VWA3B: variants seen among roughly 807,000 people sequenced by gnomAD.
The protein encoded by VWA3B is von Willebrand factor A domain-containing protein 3B.
A neutral mutation model predicts 158.3 loss-of-function variants in VWA3B; 138 were observed. The ratio of observed to expected loss-of-function variants is 0.87; its 90% confidence interval spans 0.76 to 1.00. VWA3B has a LOEUF of 1.00. VWA3B is among the 50% of genes least tolerant of loss of function. The pLI is 0.00. For missense variants in VWA3B, 1,555 were observed against 1,565.1 expected (o/e 0.99, Z 0.11); for synonymous variants, 596 against 587.3 (o/e 1.01, Z -0.21).
the VWA3B span, among the ~76,000 whole-genome samples, chr2:98,319,311 A>G: frequency 6.6e-6 from 1 of 152,234 alleles, no homozygotes; most frequent in Non-Finnish European, 1.5e-5. Flanking sequence ...CCTTGACTAG[A>G]TAAAAATGCA....
chr2:98,311,177 C>T lies in VWA3B; in HGVS notation c.3522-642C>T, dbSNP rs1260672112. 2.6e-5 allele frequency among the ~76,000 whole-genome samples: 4 copies of T among 152,206 alleles called. No individual in the cohort carries two copies. In the East Asian group the frequency reaches 7.7e-4, roughly 29 times the overall value. On this transcript the variant is annotated intron_variant, in intron 26 of 27. Coordinates refer to ENST00000477737, the MANE Select transcript of VWA3B (RefSeq NM_144992.5). ...CCTGAAGGCCCTGAAAAAAGGTGAGCTCCCAAAACGGTGAGCCATGGAGGC... is the reference window on the plus strand; with the variant it reads ...CCTGAAGGCCCTGAAAAAAGGTGAGTTCCCAAAACGGTGAGCCATGGAGGC...
At chr2:98,258,836 T>A (rs959236757) in intron 21 of VWA3B, among the ~76,000 whole-genome samples, 14 of 151,858 alleles carry the variant, frequency 9.2e-5, no homozygotes, top group African/African-American at 3.4e-4. Flanking sequence ...TTTTCTTACC[T>A]AATTGATCTA....
the VWA3B span, among the ~76,000 whole-genome samples, chr2:98,329,845 G>A: frequency 1.3e-5 from 2 of 152,100 alleles, no homozygotes; most frequent in African/African-American, 2.4e-5. Context: ...CCATCTGTGG[G>A]CAGCAGTTCC....
At chr2:98,173,270 A>G (rs912397018) in intron 8 of VWA3B, among the ~76,000 whole-genome samples, 23 of 152,244 alleles carry the variant, frequency 1.5e-4, no homozygotes, top group African/African-American at 4.8e-4. Flanking sequence ...CAGGCAAGGC[A>G]AAGGATAAAA....
intron 10 of VWA3B, among the ~76,000 whole-genome samples, chr2:98,189,321 C>A (rs368513554): frequency 3.3e-5 from 5 of 152,184 alleles, no homozygotes; most frequent in Non-Finnish European, 7.3e-5. Flanking sequence ...GCAGGAGAAT[C>A]GCTTGAACCC....
chr2:98,324,796 A>G, the VWA3B span, among the ~76,000 whole-genome samples: 1 of 152,238 alleles, frequency 6.6e-6, no homozygotes, highest in Non-Finnish European at 1.5e-5. Context: ...CAAGGACTTC[A>G]TGGCAGCTAT....
intron 19 of VWA3B, among the ~76,000 whole-genome samples, chr2:98,243,293 G>A (rs1324354570): frequency 2.0e-5 from 3 of 151,990 alleles, no homozygotes; most frequent in Non-Finnish European, 2.9e-5. Flanking sequence ...ATTGAGAATA[G>A]AGTTTTATTT....
intron 2 of VWA3B, among the ~76,000 whole-genome samples, chr2:98,109,441 C>G (rs1673958656): frequency 6.6e-6 from 1 of 152,098 alleles, no homozygotes; most frequent in Non-Finnish European, 1.5e-5. Flanking sequence ...CTTTATAGCC[C>G]TTTGCCCTTC....
chr2:98,224,963 C>CT (rs113719544), intron 14 of VWA3B, among the ~76,000 whole-genome samples: 25,277 of 151,546 alleles, frequency 0.17, 2,396 homozygotes, highest in Non-Finnish European at 0.2. Flanking sequence ...AATATTTGTT[C>CT]TTTTTTTTTA....
intron 22 of VWA3B, among the ~76,000 whole-genome samples, chr2:98,286,234 C>T (rs1244644734): frequency 6.6e-6 from 1 of 152,080 alleles, no homozygotes; most frequent in African/African-American, 2.4e-5. Context: ...GACAGTTTTA[C>T]TTGTTCCAAT....
chr2:98,153,116 G>C (rs1677768454), intron 7 of VWA3B, among the ~76,000 whole-genome samples: 1 of 152,060 alleles, frequency 6.6e-6, no homozygotes, highest in Non-Finnish European at 1.5e-5. Flanking sequence ...TACTCACCTG[G>C]CTTCATCTCC....
chr2:98,184,860 G>A (rs61178546), intron 9 of VWA3B, among the ~76,000 whole-genome samples: 30,713 of 152,112 alleles, frequency 0.2, 3,308 homozygotes, highest in Middle Eastern at 0.26. Context: ...CACGTCATCA[G>A]ACTGTGTCAC....
At chr2:98,123,223 T>C (rs574971831) in intron 5 of VWA3B, among the ~76,000 whole-genome samples, 53 of 152,316 alleles carry the variant, frequency 3.5e-4, no homozygotes, top group African/African-American at 1.3e-3. Context: ...GCTTAAAGAA[T>C]TTTTTGAGCA....
intron 21 of VWA3B, among the ~76,000 whole-genome samples, chr2:98,257,302 T>C (rs1687220031): frequency 6.6e-6 from 1 of 152,060 alleles, no homozygotes; most frequent in South Asian, 2.1e-4. Flanking sequence ...ATGATAGGAT[T>C]TTGTTCCTTT....
intron 20 of VWA3B, among the ~76,000 whole-genome samples, chr2:98,253,464 G>T (rs1260797917): frequency 6.6e-6 from 1 of 152,132 alleles, no homozygotes; most frequent in Non-Finnish European, 1.5e-5. Flanking sequence ...TTGGCTTTGT[G>T]TGTCTGAGTA....
chr2:98,134,230 G>A (rs571643885), intron 7 of VWA3B, among the ~76,000 whole-genome samples: 10 of 152,302 alleles, frequency 6.6e-5, no homozygotes, highest in African/African-American at 2.4e-4. Flanking sequence ...TTCTTGGCAA[G>A]GCAGAGCCAC....
chr2:98,171,460 G>A (rs1016982423), intron 8 of VWA3B, among the ~76,000 whole-genome samples: 1 of 152,156 alleles, frequency 6.6e-6, no homozygotes, highest in African/African-American at 2.4e-5. Context: ...AATAGCATAT[G>A]CAAAGGCCCC....
At chr2:98,089,077 G>A (rs1469195779) in intron 1 of VWA3B, among the ~76,000 whole-genome samples, 1 of 152,052 alleles carries the variant, frequency 6.6e-6, no homozygotes, top group African/African-American at 2.4e-5. Flanking sequence ...ACCGTGCCCG[G>A]CCAATATATC....
At chr2:98,134,591 C>T (rs1482304373) in intron 7 of VWA3B, among the ~76,000 whole-genome samples, 6 of 151,802 alleles carry the variant, frequency 4.0e-5, no homozygotes, top group Non-Finnish European at 8.8e-5. Flanking sequence ...CTGAATAAAC[C>T]CCACTGAGAA....
Sources: gnomAD v4.1 joint callset for allele counts (sites outside exome capture counted in the v4.1 genomes callset) on GRCh38, gnomAD v4.1.1 for gene constraint, MANE v1.5 for transcripts, NCBI Gene and HGNC (gene_info 2026-07-23, HGNC 2026-07-21) for gene names.